CPLANE1: variants seen among roughly 807,000 people sequenced by gnomAD.
CPLANE1 encodes the protein ciliogenesis and planar polarity effector complex subunit 1.
A neutral mutation model predicts 362.5 loss-of-function variants in CPLANE1; 263 were observed. The observed-to-expected ratio is 0.73, with a 90% CI of 0.66 to 0.80. The LOEUF (loss-of-function observed/expected upper bound fraction) is 0.80, where lower values mean the gene tolerates loss of function less well. CPLANE1 is among the 30% of genes least tolerant of loss of function. CPLANE1 has a pLI of 0.00. For missense variants in CPLANE1, 3,461 were observed against 3,793.4 expected (o/e 0.91, Z 2.30); for synonymous variants, 1,212 against 1,302.6 (o/e 0.93, Z 1.50).
chr5:37,196,089 C>T, intron 20 of CPLANE1, 93 bp from the exon 21 acceptor site: 1 of 1,014,278 alleles, frequency 9.9e-7, no homozygotes, highest in Non-Finnish European at 1.4e-6. Flanking sequence ...TAAGATAAGC[C>T]ACACAGAATG....
chr5:37,088,634 C>A, the CPLANE1 span, among the ~76,000 whole-genome samples: 1 of 152,182 alleles, frequency 6.6e-6, no homozygotes, highest in Non-Finnish European at 1.5e-5. Flanking sequence ...AGCCCCAGGC[C>A]CCGCTCGCAA....
At chr5:37,201,869 T>C in intron 18 of CPLANE1, 61 bp from the exon 19 acceptor site, 1 of 1,214,390 alleles carries the variant, frequency 8.2e-7, no homozygotes, top group Non-Finnish European at 1.2e-6. Context: ...TTATCCATTT[T>C]GTAGGAAAAA....
intron 46 of CPLANE1, among the ~76,000 whole-genome samples, chr5:37,135,051 C>T (rs1767217573): frequency 6.6e-6 from 1 of 152,186 alleles, no homozygotes; most frequent in Non-Finnish European, 1.5e-5. Flanking sequence ...CCTCAGCCTC[C>T]CAAAGTGCTG....
intron 40 of CPLANE1, 55 bp from the exon 41 acceptor site, chr5:37,157,475 T>A: frequency 3.0e-6 from 4 of 1,328,264 alleles, no homozygotes; most frequent in Non-Finnish European, 4.2e-6. Context: ...ATCAAGACTA[T>A]GAAAAGCATT....
Position 37,206,183 on chromosome 5 carries a change from C to T in CPLANE1, c.3149+14G>A. Reference sequence around the variant, plus strand: ...CAATCATACTATATCTTAAAATTGCCTAAAAATCCATACCTCATGAAATTG... The same window carrying T: ...CAATCATACTATATCTTAAAATTGCTTAAAAATCCATACCTCATGAAATTG... On this transcript the variant is annotated intron_variant, in intron 17 of 52. Transcript: ENST00000651892. 1 of 1,518,844 alleles carries T rather than the reference C, an allele frequency of 6.6e-7. No individual in the cohort carries two copies. The highest frequency in any genetic ancestry group is 1.2e-5 in the South Asian group (1 of 83,354). The allele number at this position is 1,518,844 out of a possible 1,614,324, so 94.1% of individuals were successfully genotyped here.
chr5:37,101,108 C>T, the CPLANE1 span, among the ~76,000 whole-genome samples: 1 of 152,176 alleles, frequency 6.6e-6, no homozygotes, highest in South Asian at 2.1e-4. Context: ...TTTTCTTTCT[C>T]TTGCCTGATT....
chr5:37,125,264 A>C lies in CPLANE1; in HGVS notation c.8938T>G (p.Phe2980Val). Residue 2980 changes from phenylalanine (F) to valine (V), a missense_variant, in exon 47 of 53, where the codon TTC (phenylalanine) becomes GTC (valine). Transcript: ENST00000651892. Reference protein sequence around the residue: ...AEKRGQEHDPFCPRSNPLYMT... With the variant: ...AEKRGQEHDPVCPRSNPLYMT... ...CTTACTGGATTGCTTCTGGGACAGA[A>C]AGGATCATGTTCTTGCCCTCTCTTT... 6.2e-7 allele frequency: 1 copy of C among 1,613,740 alleles called. No homozygotes were observed. The highest frequency in any genetic ancestry group is 8.5e-7 in the Non-Finnish European group (1 of 1,179,922).
chr5:37,123,658 G>A (rs1763310234), intron 47 of CPLANE1, among the ~76,000 whole-genome samples: 2 of 152,254 alleles, frequency 1.3e-5, no homozygotes, highest in Admixed American at 1.3e-4. Context: ...TAGGACTACA[G>A]GCATGTGCCA....
Position 37,139,342 on chromosome 5 carries a change from C to A in CPLANE1, c.8661G>T (p.Glu2887Asp). Residue 2887 changes from glutamate to aspartate, a missense_variant and splice_region_variant, in exon 45 of 53, where the codon GAG (glutamate) becomes GAT (aspartate). Coordinates refer to ENST00000651892, the MANE Select transcript of CPLANE1 (RefSeq NM_001384732.1). Reference protein sequence around the residue: ...PGMNSSDELCESVSVHPLQMT... With the variant: ...PGMNSSDELCDSVSVHPLQMT... Reference sequence around the variant, plus strand: ...GAATTAACTCTTAAGATATTTACCTCTCACACAATTCATCACTGCTATTCA... The same window carrying A: ...GAATTAACTCTTAAGATATTTACCTATCACACAATTCATCACTGCTATTCA... The A allele has an allele frequency of 7.7e-7, 1 of 1,301,848 alleles. No individual in the cohort carries two copies. The allele number at this position is 1,301,848 out of a possible 1,614,324, so 80.6% of individuals were successfully genotyped here.
chr5:37,162,316 A>T, intron 38 of CPLANE1, 149 bp downstream of exon 38: 1 of 592,022 alleles, frequency 1.7e-6, no homozygotes, highest in Non-Finnish European at 3.0e-6. Context: ...TCTACAGTAT[A>T]TACCAAGACT....
chr5:37,135,270 C>A (rs1291243247), intron 46 of CPLANE1, among the ~76,000 whole-genome samples: 2 of 152,076 alleles, frequency 1.3e-5, no homozygotes, highest in African/African-American at 4.8e-5. Flanking sequence ...TTTGAGAGGT[C>A]TTCTTGGTAT....
chr5:37,181,518 C>A (rs1782648136), intron 26 of CPLANE1, among the ~76,000 whole-genome samples: 2 of 151,690 alleles, frequency 1.3e-5, no homozygotes, highest in Non-Finnish European at 1.5e-5. Context: ...AGAAACCAAT[C>A]TCAAGGGAAA....
At chr5:37,140,536 A>G in intron 44 of CPLANE1, 3 of 985,212 alleles carry the variant, frequency 3.0e-6, no homozygotes, top group Non-Finnish European at 3.6e-6. Flanking sequence ...AAAGATATTA[A>G]TCCTATGTAC....
At chr5:37,089,763 A>G in the CPLANE1 span, among the ~76,000 whole-genome samples, 2 of 152,190 alleles carry the variant, frequency 1.3e-5, no homozygotes, top group African/African-American at 4.8e-5. Flanking sequence ...AGAAAAATTC[A>G]TTTACAATAT....
rs756998736 is a variant in CPLANE1, at chr5:37,198,759, A to G, written c.3615T>C (p.Phe1205=). The G allele has an allele frequency of 1.2e-6, 2 of 1,614,170 alleles. No homozygotes were observed. Among genetic ancestry groups the G allele is most frequent in the East Asian group, 2.2e-5 (1 of 44,890 alleles). Residue 1205 remains phenylalanine, a synonymous_variant, in exon 20 of 53, where the codon TTT becomes TTC. Coordinates refer to ENST00000651892, the MANE Select transcript of CPLANE1 (RefSeq NM_001384732.1). ...LLLFRAAQCS[F]PVAQWYILQL... is the part of the protein sequence containing the mutation. The stretch of plus-strand genomic sequence containing the variant: ...GCAATATATACCACTGTGCTACAGG[A>G]AAAGAACACTGAGCCGCCCGGAAAA...
intron 2 of CPLANE1, 41 bp downstream of exon 2, chr5:37,247,577 C>T: frequency 2.0e-6 from 3 of 1,501,140 alleles, no homozygotes; most frequent in Non-Finnish European, 2.7e-6. Context: ...ACACATATAA[C>T]ATATATAAAA....
intron 31 of CPLANE1, 74 bp from the exon 32 acceptor site, chr5:37,174,021 A>C: frequency 8.0e-7 from 1 of 1,245,496 alleles, no homozygotes; most frequent in Non-Finnish European, 1.1e-6. Context: ...TATGATCAGA[A>C]TATTTTGATC....
chr5:37,140,618 G>A (rs909979174), intron 44 of CPLANE1: 9 of 985,210 alleles, frequency 9.1e-6, no homozygotes, highest in Middle Eastern at 5.2e-4. Context: ...GCCTATTCAC[G>A]AAAAAAAGCT....
At chr5:37,155,494 C>T (rs915159738) in intron 41 of CPLANE1, among the ~76,000 whole-genome samples, 9 of 152,182 alleles carry the variant, frequency 5.9e-5, no homozygotes, top group African/African-American at 2.2e-4. Context: ...CCCGCCTCAG[C>T]CTCTTGAGTA....
Sources: gnomAD v4.1 joint callset for allele counts (sites outside exome capture counted in the v4.1 genomes callset) on GRCh38, gnomAD v4.1.1 for gene constraint, MANE v1.5 for transcripts, NCBI Gene and HGNC (gene_info 2026-07-23, HGNC 2026-07-21) for gene names.